Variants in SLC49A3 observed in about 807,000 individuals in gnomAD.
The protein encoded by SLC49A3 is solute carrier family 49 member 3, also known as solute carrier family 49 member A3.
A neutral mutation model predicts 43.8 loss-of-function variants in SLC49A3; 50 were observed. The observed-to-expected ratio is 1.14, with a 90% CI of 0.91 to 1.45. The LOEUF (loss-of-function observed/expected upper bound fraction) is 1.45. Ranked by LOEUF, SLC49A3 falls within the 40% of genes most tolerant of loss-of-function variation. SLC49A3 has a pLI of 0.00. For missense variants in SLC49A3, 906 were observed against 774.1 expected (o/e 1.17, Z -2.02); for synonymous variants, 413 against 352.0 (o/e 1.17, Z -1.94).
intron 2 of SLC49A3, 32 bp downstream of exon 2, chr4:686,500 C>T (rs369481831): frequency 4.5e-5 from 73 of 1,605,082 alleles, no homozygotes; most frequent in Admixed American, 1.5e-4. Flanking sequence ...TGCACTGTCC[C>T]GGAGCGGGCC....
Position 686,611 on chromosome 4 carries a change from G to T in SLC49A3, c.215C>A (p.Ser72Ter). ...GGTGGATACCACGAGGTAGACCAGT[G>T]ACAGCCAGTTGATCTGCTCCATGGA... ...VLSMEQINWL[S>*]LVYLVVSTPF... is the part of the protein sequence containing the mutation. Residue 72 changes from serine (S) to a stop codon, truncating the protein, a stop_gained, in exon 2 of 10, where the codon TCA becomes TAA. Transcript: ENST00000322224. LOFTEE classifies it high-confidence loss of function. 1 of 1,613,322 alleles carries T rather than the reference G, an allele frequency of 6.2e-7. No homozygotes were observed. The highest frequency in any genetic ancestry group is 1.1e-5 in the South Asian group (1 of 91,086).
Position 682,492 on chromosome 4 carries a change from G to A in SLC49A3, c.1262-116C>T, listed in dbSNP as rs75503658. 2,759 of 1,120,466 alleles carry A rather than the reference G, an allele frequency of 2.5e-3. 12 individuals carry two copies. Among genetic ancestry groups the A allele is most frequent in the East Asian group, 0.021 (663 of 32,312 alleles). The allele number at this position is 1,120,466 out of a possible 1,614,324, so 69.4% of individuals were successfully genotyped here. A position where few individuals can be genotyped will look rare whatever the true frequency, so the allele number is the denominator to read the frequency against. On this transcript the variant is annotated intron_variant, in intron 9 of 9. Transcript: ENST00000322224. Reference sequence around the variant, plus strand: ...CCTTGACCACAGAGTGACCCCAGACGGAGAGCCCACTCGCAGCTCTTGACA... The same window carrying A: ...CCTTGACCACAGAGTGACCCCAGACAGAGAGCCCACTCGCAGCTCTTGACA...
At chr4:678,681 G>A (rs760008853), downstream of SLC49A3, 1 of 1,610,768 alleles carries the variant, frequency 6.2e-7, no homozygotes, top group South Asian at 1.1e-5. Context: ...CCAAGAAGAA[G>A]GAAGGGGGTG....
At chr4:680,129 C>A, downstream of SLC49A3, 3 of 1,082,748 alleles carry the variant, frequency 2.8e-6, no homozygotes, top group Non-Finnish European at 4.0e-6. Context: ...AGCCCTAGGG[C>A]CTGGCACTCT....
chr4:685,708 G>T lies in SLC49A3; in HGVS notation c.585+127C>A. On this transcript the variant is annotated intron_variant, in intron 4 of 9. Coordinates refer to ENST00000322224, the MANE Select transcript of SLC49A3 (RefSeq NM_032219.4). This position sits in a 1 kb window ranked among gnomAD's most constrained non-coding sequence, Gnocchi z 4.3. The stretch of plus-strand genomic sequence containing the variant: ...GCGACAGGCTGAGACTCCTTCTCGG[G>T]TGGCGGGGCGGGGGACGGGAATCAC... The T allele has an allele frequency of 2.1e-6, 2 of 973,114 alleles. No individual in the cohort carries two copies. Among genetic ancestry groups the T allele is most frequent in the Non-Finnish European group, 1.6e-6 (1 of 638,844 alleles). 60.3% of individuals were successfully genotyped at this position (973,114 alleles called of 1,614,324 possible).
At chr4:686,724 A>T (rs1741116096) in intron 1 of SLC49A3, 34 bp from the exon 2 acceptor site, 4 of 1,600,270 alleles carry the variant, frequency 2.5e-6, no homozygotes, top group Admixed American at 1.7e-5. Flanking sequence ...GCGCAGGGCC[A>T]CAGACCCCGG....
chr4:678,937 A>C (rs1739140442), downstream of SLC49A3: 2 of 1,613,108 alleles, frequency 1.2e-6, no homozygotes, highest in African/African-American at 2.7e-5. Flanking sequence ...GCAGCACAGC[A>C]GCCCTGACCT....
chr4:681,097 AG>A (rs1739440042), downstream of SLC49A3: 4 of 1,603,580 alleles, frequency 2.5e-6, no homozygotes, highest in African/African-American at 2.7e-5. Context: ...CTCAGCATCA[AG>A]CGTCTGCTGA....
intron 5 of SLC49A3, 23 bp from the exon 6 acceptor site, chr4:684,622 C>T (rs1035104198): frequency 3.1e-6 from 5 of 1,612,132 alleles, no homozygotes; most frequent in East Asian, 2.2e-5. Flanking sequence ...AGCGTCTCAG[C>T]CCCGGAGCCC....
At chr4:678,459 G>A (rs1224771510), downstream of SLC49A3, 3 of 1,430,516 alleles carry the variant, frequency 2.1e-6, no homozygotes, top group Admixed American at 8.7e-5. Flanking sequence ...CTGTGCTGAA[G>A]CCAGACACCT....
chr4:684,947 TC>T, intron 4 of SLC49A3, 91 bp from the exon 5 acceptor site: 1 of 1,481,606 alleles, frequency 6.7e-7, no homozygotes, highest in Non-Finnish European at 9.0e-7. Flanking sequence ...ACCTCCCAGC[TC>T]CTCCTGCCCC....
At position 681,982 on chromosome 4, in the gene SLC49A3, G is replaced by A. The variant is rs937883933; in HGVS notation, c.1656C>T (p.Phe552=). The part of the protein sequence containing the change: ...FIDPAGSHSS[F]SSPWVIT ...GCTACGTGATCACCCACGGGGAGGA[G>A]AAGGAGGAGTGAGACCCAGCCGGGT... Residue 552 remains phenylalanine (F), a synonymous_variant, in exon 10 of 10, where the codon TTC becomes TTT. Coordinates refer to ENST00000322224, the MANE Select transcript of SLC49A3 (RefSeq NM_032219.4). The A allele has an allele frequency of 4.3e-5, 60 of 1,405,458 alleles. No homozygotes were observed. Among genetic ancestry groups the A allele is most frequent in the East Asian group, 2.2e-4 (8 of 36,390 alleles). The allele number at this position is 1,405,458 out of a possible 1,614,324, so 87.1% of individuals were successfully genotyped here.
downstream of SLC49A3, among the ~76,000 whole-genome samples, chr4:681,619 C>A (rs1458735755): frequency 1.6e-4 from 17 of 107,768 alleles, no homozygotes; most frequent in African/African-American, 5.1e-4. Flanking sequence ...CCTCCAGCGC[C>A]GCCCCGCCCC....
Position 682,316 on chromosome 4 carries a change from A to G in SLC49A3, c.1322T>C (p.Phe441Ser), listed in dbSNP as rs1374490811. The change falls in exon 10 of 10, where the codon TTC becomes TCC. Residue 441 changes from phenylalanine to serine, a missense_variant. Coordinates refer to ENST00000322224, the MANE Select transcript of SLC49A3 (RefSeq NM_032219.4). Reference protein sequence around the residue: ...TFFSCILAVFFHTPYRRLQAE... With the variant: ...TFFSCILAVFSHTPYRRLQAE... Reference sequence around the variant, plus strand: ...CTGCAGGCGCCGGTATGGGGTGTGGAAGAAGACCGCCAGGATGCAGCTGAA... The same window carrying G: ...CTGCAGGCGCCGGTATGGGGTGTGGGAGAAGACCGCCAGGATGCAGCTGAA... 2.2e-6 allele frequency: 3 copies of G among 1,349,014 alleles called. No individual in the cohort carries two copies. The highest frequency in any genetic ancestry group is 2.9e-6 in the Non-Finnish European group (3 of 1,040,638). 83.6% of individuals were successfully genotyped at this position (1,349,014 alleles called of 1,614,324 possible).
downstream of SLC49A3, chr4:681,152 G>T (rs553930016): frequency 4.4e-6 from 7 of 1,601,616 alleles, no homozygotes; most frequent in Non-Finnish European, 6.0e-6. Context: ...TCTGGCCCGC[G>T]GCTTCCCTGC....
intron 6 of SLC49A3, 127 bp downstream of exon 6, chr4:684,356 G>A: frequency 2.3e-6 from 3 of 1,330,078 alleles, no homozygotes; most frequent in South Asian, 2.7e-5. Context: ...AGGGCCCACA[G>A]CACAGAAGGG....
chr4:683,904 G>T, intron 6 of SLC49A3, 143 bp from the exon 7 acceptor site: 2 of 1,114,442 alleles, frequency 1.8e-6, no homozygotes, highest in Non-Finnish European at 2.5e-6. Flanking sequence ...CGCACCGCTG[G>T]CTGCCTGCGG....
At position 689,022 on chromosome 4, in the gene SLC49A3, T is replaced by C; in HGVS notation, c.106A>G (p.Ile36Val). The change falls in exon 1 of 10, where the codon ATC (isoleucine) becomes GTC (valine). Residue 36 changes from isoleucine (I) to valine (V), a missense_variant. By Grantham distance (29) the Ile-to-Val change is conservative. Coordinates refer to ENST00000322224, the MANE Select transcript of SLC49A3 (RefSeq NM_032219.4). ...YARRWVFLLA[I>V]SLLNCSNATL... ...GCGTTGGAGCAGTTGAGCAGGCTGA[T>C]CGCGAGCAGGAACACCCAGCGGCGC... 1 of 1,594,964 alleles carries C rather than the reference T, an allele frequency of 6.3e-7. No homozygotes were observed. The highest frequency in any genetic ancestry group is 8.5e-7 in the Non-Finnish European group (1 of 1,172,798).
intron 7 of SLC49A3, 25 bp downstream of exon 7, chr4:683,584 A>T: frequency 1.1e-6 from 1 of 902,762 alleles, no homozygotes; most frequent in Admixed American, 2.0e-5. Flanking sequence ...CCCACAGGGC[A>T]GTCTTGGCTT....
Sources: allele counts gnomAD v4.1 joint callset (sites outside exome capture counted in the v4.1 genomes callset), GRCh38; gene constraint gnomAD v4.1.1; non-coding constraint Gnocchi (gnomAD v3.1); transcripts MANE v1.5; gene names NCBI Gene and HGNC (gene_info 2026-07-23, HGNC 2026-07-21).